Variants in SHISA9 observed in about 807,000 individuals in gnomAD.
SHISA9 encodes protein shisa-9.
SHISA9 carries 13 observed loss-of-function variants against 38.0 expected under a neutral mutation model. That is an observed-to-expected ratio of 0.34 (90% CI 0.22 to 0.54). The LOEUF is 0.54. SHISA9 is among the 20% of genes least tolerant of loss of function. The probability of loss-of-function intolerance (pLI) is 0.91; values close to 1 mark genes in which losing one functional copy is unlikely to be tolerated. For synonymous variants in SHISA9, 275 were observed against 242.0 expected (o/e 1.14, Z -1.27); for missense variants, 538 against 575.8 (o/e 0.93, Z 0.67).
At chr16:13,527,117 G>C in the SHISA9 span, among the ~76,000 whole-genome samples, 1 of 152,108 alleles carries the variant, frequency 6.6e-6, no homozygotes, top group African/African-American at 2.4e-5. Flanking sequence ...ACTATAACCT[G>C]CCCCAGGTTA....
At chr16:13,063,780 A>G (rs1439973800) in intron 2 of SHISA9, among the ~76,000 whole-genome samples, 1 of 152,174 alleles carries the variant, frequency 6.6e-6, no homozygotes, top group Non-Finnish European at 1.5e-5. Context: ...GTCAGCCAGG[A>G]GACGATATGG....
intron 2 of SHISA9, among the ~76,000 whole-genome samples, chr16:12,920,381 A>G (rs2071312589): frequency 6.6e-6 from 1 of 152,176 alleles, no homozygotes; most frequent in Non-Finnish European, 1.5e-5. Flanking sequence ...TACAGCAGAA[A>G]GGTTGCAAAG....
rs775720508 is a variant in SHISA9 at position 12,902,385 on chromosome 16, C to T, written c.321C>T (p.Cys107=). Residue 107 remains cysteine, a synonymous_variant, in exon 1 of 5, where the codon TGC becomes TGT. Coordinates refer to ENST00000558583, the MANE Select transcript of SHISA9 (RefSeq NM_001145204.3). ...FCCGTCGFRF[C]CTFKKRRLNQ... Reference sequence around the variant, plus strand: ...GCGGGACTTGTGGCTTCCGGTTCTGCTGCACGTTTAAGAAGCGGCGACTGA... The same window carrying T: ...GCGGGACTTGTGGCTTCCGGTTCTGTTGCACGTTTAAGAAGCGGCGACTGA... 187 of 1,551,178 alleles carry T rather than the reference C, an allele frequency of 1.2e-4. No individual in the cohort carries two copies. Among genetic ancestry groups the T allele is most frequent in the Non-Finnish European group, 1.5e-4 (177 of 1,146,990 alleles).
intron 2 of SHISA9, among the ~76,000 whole-genome samples, chr16:13,146,885 G>A (rs1485499184): frequency 6.6e-6 from 1 of 152,142 alleles, no homozygotes; most frequent in East Asian, 1.9e-4. Context: ...CTGGAGAAAA[G>A]TCTGATTTCA....
intron 2 of SHISA9, among the ~76,000 whole-genome samples, chr16:13,108,120 G>T (rs1567214579): frequency 1.3e-5 from 2 of 151,298 alleles, no homozygotes; most frequent in African/African-American, 4.9e-5. Context: ...TCCAAAGAGA[G>T]CCCCCCTCCG....
the SHISA9 span, among the ~76,000 whole-genome samples, chr16:13,437,738 C>A: frequency 6.6e-6 from 1 of 152,136 alleles, no homozygotes; most frequent in South Asian, 2.1e-4. Flanking sequence ...CCCAGATGAT[C>A]CTTGACTCAT....
chr16:13,542,600 CT>C, the SHISA9 span, among the ~76,000 whole-genome samples: 452 of 145,924 alleles, frequency 3.1e-3, no homozygotes, highest in Middle Eastern at 6.9e-3. Context: ...ATGCCCCCCC[CT>C]ACTCTATGCT....
At chr16:13,101,940 G>T (rs1346065096) in intron 2 of SHISA9, among the ~76,000 whole-genome samples, 1 of 152,250 alleles carries the variant, frequency 6.6e-6, no homozygotes, top group East Asian at 1.9e-4. Context: ...TTGATGCAAA[G>T]CATCAGGAGA....
At chr16:13,177,404 G>C (rs1299582785) in intron 2 of SHISA9, among the ~76,000 whole-genome samples, 2 of 152,188 alleles carry the variant, frequency 1.3e-5, no homozygotes, top group African/African-American at 4.8e-5. Context: ...GCTGCCCTGT[G>C]GCCATCTGCT....
chr16:13,167,862 T>G (rs2142018211), intron 2 of SHISA9, among the ~76,000 whole-genome samples: 1 of 152,318 alleles, frequency 6.6e-6, no homozygotes, highest in Non-Finnish European at 1.5e-5. Context: ...ATAGCAGAAC[T>G]TAGTGTGAGA....
At chr16:13,252,328 G>A in the SHISA9 span, among the ~76,000 whole-genome samples, 2 of 152,158 alleles carry the variant, frequency 1.3e-5, no homozygotes, top group African/African-American at 4.8e-5. Flanking sequence ...GGCAATAACT[G>A]GACACATTTT....
rs1343505475 is a variant in SHISA9 at position 13,156,392 on chromosome 16, C to T, written c.692-47002C>T. 3.3e-5 allele frequency among the ~76,000 whole-genome samples: 5 copies of T among 152,134 alleles called. No individual in the cohort carries two copies. The East Asian group carries it at 7.7e-4, about 23-fold the overall frequency. On this transcript the variant is annotated intron_variant, in intron 2 of 4. Transcript: ENST00000558583. ...AATTGTGTGTACACGCGTATATGCA[C>T]ACAATCCTGCCAACACTCATTGATA...
intron 2 of SHISA9, among the ~76,000 whole-genome samples, chr16:12,988,331 G>A (rs1301825178): frequency 6.6e-6 from 1 of 152,096 alleles, no homozygotes; most frequent in Admixed American, 6.6e-5. Context: ...TCTCCCGCAG[G>A]TCGTCCCCTT....
At chr16:13,386,596 C>A in the SHISA9 span, among the ~76,000 whole-genome samples, 1 of 152,158 alleles carries the variant, frequency 6.6e-6, no homozygotes, top group Non-Finnish European at 1.5e-5. Flanking sequence ...GTACTAAATT[C>A]TCGATATTAT....
chr16:13,222,893 C>T (rs928536079), intron 4 of SHISA9, among the ~76,000 whole-genome samples: 14 of 151,800 alleles, frequency 9.2e-5, no homozygotes, highest in East Asian at 5.8e-4. Flanking sequence ...TTTCTGATGA[C>T]GACAGAAATA....
At chr16:13,315,971 G>A in the SHISA9 span, among the ~76,000 whole-genome samples, 1 of 151,756 alleles carries the variant, frequency 6.6e-6, no homozygotes, top group African/African-American at 2.4e-5. Flanking sequence ...TATTGCATTT[G>A]TAGGTTAGAG....
chr16:13,114,283 G>A (rs887536285), intron 2 of SHISA9, among the ~76,000 whole-genome samples: 2 of 151,850 alleles, frequency 1.3e-5, no homozygotes, highest in African/African-American at 4.8e-5. Flanking sequence ...TGGCTAACAT[G>A]GTGAAACCCC....
the SHISA9 span, among the ~76,000 whole-genome samples, chr16:13,264,119 C>G: frequency 6.6e-6 from 1 of 151,276 alleles, no homozygotes; most frequent in African/African-American, 2.4e-5. Context: ...TCACCTGTGT[C>G]TGCTTCTACA....
chr16:12,907,591 A>G (rs1323897309), intron 1 of SHISA9, among the ~76,000 whole-genome samples: 1 of 152,156 alleles, frequency 6.6e-6, no homozygotes, highest in Non-Finnish European at 1.5e-5. Context: ...CAGTCATTTA[A>G]AAATTTCTCA....
Sources: gnomAD v4.1 joint callset for allele counts (sites outside exome capture counted in the v4.1 genomes callset) on GRCh38, gnomAD v4.1.1 for gene constraint, MANE v1.5 for transcripts, NCBI Gene and HGNC (gene_info 2026-07-23, HGNC 2026-07-21) for gene names.